Variants in SPIDR observed in about 807,000 individuals in gnomAD.
SPIDR encodes the protein scaffold protein involved in DNA repair.
A neutral mutation model predicts 104.6 loss-of-function variants in SPIDR; 93 were observed. That is an observed-to-expected ratio of 0.89 (90% CI 0.75 to 1.06). The LOEUF (loss-of-function observed/expected upper bound fraction) is 1.06. Ranked by LOEUF, SPIDR falls within the 50% of genes least tolerant of loss-of-function variation. SPIDR has a pLI of 0.00. For missense variants in SPIDR, 1,154 were observed against 1,111.2 expected (o/e 1.04, Z -0.55); for synonymous variants, 431 against 416.9 (o/e 1.03, Z -0.41).
At chr8:47,340,527 A>G (rs1461254613) in intron 5 of SPIDR, among the ~76,000 whole-genome samples, 2 of 152,174 alleles carry the variant, frequency 1.3e-5, no homozygotes, top group African/African-American at 4.8e-5. Flanking sequence ...ACTTGAACCC[A>G]GGAGGCGAAG....
chr8:47,622,395 G>T (rs148406485), intron 10 of SPIDR, among the ~76,000 whole-genome samples: 1 of 152,258 alleles, frequency 6.6e-6, no homozygotes, highest in African/African-American at 2.4e-5. Context: ...TAAGCTTCTG[G>T]CCTCCTGGCC....
At chr8:47,300,429 G>C (rs1429652697) in intron 5 of SPIDR, among the ~76,000 whole-genome samples, 2 of 152,042 alleles carry the variant, frequency 1.3e-5, no homozygotes, top group Non-Finnish European at 2.9e-5. Context: ...TTTTTTTGAA[G>C]GGTTTTTTGT....
chr8:47,570,380 T>C (rs1246376671), intron 8 of SPIDR, among the ~76,000 whole-genome samples: 4 of 152,072 alleles, frequency 2.6e-5, no homozygotes, highest in Non-Finnish European at 5.9e-5. Context: ...ATAATAGAGA[T>C]CTTTACCTTA....
chr8:47,687,739 T>C (rs1158823447), intron 11 of SPIDR, among the ~76,000 whole-genome samples: 4 of 152,208 alleles, frequency 2.6e-5, no homozygotes, highest in Non-Finnish European at 5.9e-5. Context: ...TGTTTTTCTT[T>C]ACAGTTATAC....
intron 17 of SPIDR, among the ~76,000 whole-genome samples, chr8:47,728,416 A>G (rs998957319): frequency 2.0e-5 from 3 of 152,082 alleles, no homozygotes; most frequent in Admixed American, 6.5e-5. Context: ...CAACCTGGGT[A>G]ACAGAGAGAG....
At chr8:47,560,355 C>T (rs1158750439) in intron 8 of SPIDR, among the ~76,000 whole-genome samples, 2 of 152,226 alleles carry the variant, frequency 1.3e-5, no homozygotes, top group Non-Finnish European at 2.9e-5. Flanking sequence ...AATCCCCAAA[C>T]TAGTCCCTCA....
At chr8:47,611,380 G>C (rs537619078) in intron 10 of SPIDR, among the ~76,000 whole-genome samples, 1 of 152,246 alleles carries the variant, frequency 6.6e-6, no homozygotes, top group African/African-American at 2.4e-5. Flanking sequence ...AGGAACAAGG[G>C]CAGCTCTTGG....
At position 47,283,988 on chromosome 8, in the gene SPIDR, A is replaced by T; in HGVS notation, c.190-40A>T. 3.4e-6 allele frequency: 5 copies of T among 1,483,092 alleles called. No homozygotes were observed. In the South Asian group the frequency reaches 6.0e-5, roughly 18 times the overall value. 91.9% of individuals were successfully genotyped at this position (1,483,092 alleles called of 1,614,324 possible). ...TATTTTATAAAAGTTTTTTTTTAGC[A>T]TTTGTCACATAAATTCCATGATTAT... On this transcript the variant is annotated intron_variant, in intron 2 of 19. Transcript: ENST00000297423.
chr8:47,474,945 A>G (rs973996655), intron 8 of SPIDR, among the ~76,000 whole-genome samples: 5 of 152,310 alleles, frequency 3.3e-5, no homozygotes, highest in Middle Eastern at 3.4e-3. Context: ...GATTTTATCT[A>G]TTGTCATTTT....
chr8:47,567,727 G>A (rs1291016406), intron 8 of SPIDR, among the ~76,000 whole-genome samples: 1 of 151,412 alleles, frequency 6.6e-6, no homozygotes, highest in Non-Finnish European at 1.5e-5. Context: ...GTGACCTTTG[G>A]ACAGTGCACT....
chr8:47,366,470 G>C (rs1173805423), intron 5 of SPIDR, among the ~76,000 whole-genome samples: 3 of 152,164 alleles, frequency 2.0e-5, no homozygotes, highest in Non-Finnish European at 4.4e-5. Context: ...GGAAAGAGAA[G>C]GGAGGTCAGT....
chr8:47,683,843 T>A (rs1347313502), intron 11 of SPIDR, among the ~76,000 whole-genome samples: 1 of 152,030 alleles, frequency 6.6e-6, no homozygotes, highest in African/African-American at 2.4e-5. Flanking sequence ...AAAACCCAAT[T>A]TGGCCGGGCA....
At chr8:47,648,575 C>T (rs2071009850) in intron 10 of SPIDR, among the ~76,000 whole-genome samples, 1 of 152,234 alleles carries the variant, frequency 6.6e-6, no homozygotes, top group Non-Finnish European at 1.5e-5. Context: ...GACAGTGATA[C>T]GTCAGTAGCA....
At chr8:47,272,835 T>G (rs751747896) in intron 1 of SPIDR, among the ~76,000 whole-genome samples, 1 of 152,232 alleles carries the variant, frequency 6.6e-6, no homozygotes, top group Non-Finnish European at 1.5e-5. Flanking sequence ...TGAGCCACCA[T>G]GCCCATTTTA....
chr8:47,532,321 G>C (rs1020747616), intron 8 of SPIDR, among the ~76,000 whole-genome samples: 4 of 151,902 alleles, frequency 2.6e-5, no homozygotes, highest in African/African-American at 7.3e-5. Context: ...CACCTGCCTT[G>C]GCCTCCCAAA....
intron 10 of SPIDR, among the ~76,000 whole-genome samples, chr8:47,608,884 C>A (rs373120296): frequency 6.1e-4 from 93 of 152,288 alleles, no homozygotes; most frequent in South Asian, 5.8e-3. Context: ...TGCGCTACCA[C>A]GCCCAGCTAA....
At chr8:47,670,184 A>G (rs538462861) in intron 10 of SPIDR, among the ~76,000 whole-genome samples, 3 of 152,210 alleles carry the variant, frequency 2.0e-5, no homozygotes, top group Admixed American at 1.3e-4. Flanking sequence ...CAGTTCCCCT[A>G]CATGTCCTGG....
At chr8:47,676,510 TTCTC>T (rs1051901219) in intron 11 of SPIDR, among the ~76,000 whole-genome samples, 1 of 127,140 alleles carries the variant, frequency 7.9e-6, no homozygotes, top group African/African-American at 2.4e-5. Flanking sequence ...AAACACAACA[TTCTC>T]TCTCTTTTTT....
chr8:47,626,223 A>C (rs2066078971), intron 10 of SPIDR, among the ~76,000 whole-genome samples: 2 of 152,208 alleles, frequency 1.3e-5, no homozygotes, highest in African/African-American at 4.8e-5. Context: ...CTTACACCTT[A>C]TACACAAATT....
Sources: gnomAD v4.1 joint callset for allele counts (sites outside exome capture counted in the v4.1 genomes callset) on GRCh38, gnomAD v4.1.1 for gene constraint, MANE v1.5 for transcripts, NCBI Gene and HGNC (gene_info 2026-07-23, HGNC 2026-07-21) for gene names.